The following MEIS1 variants were observed in gnomAD, a reference collection of about 807,000 sequenced individuals.
MEIS1 encodes the protein Meis homeobox 1.
MEIS1 carries 5 observed loss-of-function variants against 50.8 expected under a neutral mutation model. The observed-to-expected ratio is 0.10, with a 90% CI of 0.05 to 0.21. MEIS1 has a LOEUF of 0.21. MEIS1 is among the 10% of genes least tolerant of loss of function. The pLI is 1.00. For missense variants in MEIS1, 318 were observed against 517.3 expected, an observed-to-expected ratio of 0.61 and a Z score of 3.74; for synonymous variants, 176 against 179.3, an observed-to-expected ratio of 0.98 and a Z score of 0.15.
chr2:66,463,976 G>GT (rs766130265), intron 6 of MEIS1, 133 bp from the exon 7 acceptor site: 2 of 652,582 alleles, frequency 3.1e-6, no homozygotes, highest in Non-Finnish European at 5.5e-6. Flanking sequence ...TGGAACCATG[G>GT]TTGAAGGGGG....
At chr2:66,473,397 A>ATATATATATATATATATAT (rs1553373465) in intron 7 of MEIS1, among the ~76,000 whole-genome samples, 8 of 107,588 alleles carry the variant, frequency 7.4e-5, no homozygotes, top group African/African-American at 4.1e-4. Flanking sequence ...AAAAAAAAAA[A>ATATATATATATATATATAT]ATATATATAT....
At chr2:66,556,996 A>G (rs1675083823) in intron 9 of MEIS1, among the ~76,000 whole-genome samples, 1 of 152,178 alleles carries the variant, frequency 6.6e-6, no homozygotes, top group Non-Finnish European at 1.5e-5. Flanking sequence ...ATAGTATTTA[A>G]AAAGCATATC....
At chr2:66,517,312 T>G (rs1428150740) in intron 8 of MEIS1, among the ~76,000 whole-genome samples, 1 of 152,194 alleles carries the variant, frequency 6.6e-6, no homozygotes. Flanking sequence ...GGAAGTGGCT[T>G]GTGGAGATAG....
chr2:66,521,851 C>T (rs188197155), intron 8 of MEIS1, among the ~76,000 whole-genome samples: 15 of 152,148 alleles, frequency 9.9e-5, no homozygotes, highest in Admixed American at 2.0e-4. Flanking sequence ...TACCTGACCC[C>T]GCTGGCTCCT....
At chr2:66,463,025 T>TC (rs939660290) in intron 6 of MEIS1, among the ~76,000 whole-genome samples, 1 of 152,068 alleles carries the variant, frequency 6.6e-6, no homozygotes, top group African/African-American at 2.4e-5. Flanking sequence ...CATTTTGATC[T>TC]CCTCAGCCCT....
At chr2:66,547,914 G>A (rs750343725) in intron 8 of MEIS1, 29 bp from the exon 9 acceptor site, 1 of 1,609,976 alleles carries the variant, frequency 6.2e-7, no homozygotes, top group Non-Finnish European at 8.5e-7. Flanking sequence ...ATTGCCTGAT[G>A]CACACGTATC....
chr2:66,491,136 A>G (rs1174935027), intron 7 of MEIS1, among the ~76,000 whole-genome samples: 1 of 152,194 alleles, frequency 6.6e-6, no homozygotes, highest in Non-Finnish European at 1.5e-5. Flanking sequence ...ACAAACCTTC[A>G]GGGCTCAAAG....
At chr2:66,447,044 C>G (rs946451889) in intron 6 of MEIS1, among the ~76,000 whole-genome samples, 1 of 152,246 alleles carries the variant, frequency 6.6e-6, no homozygotes, top group African/African-American at 2.4e-5. Context: ...TTTAAGCTTT[C>G]TCTTTAAGGG....
Position 66,569,129 on chromosome 2 carries a change from C to G in MEIS1, c.*21C>G, listed in dbSNP as rs757132947. ...TGTAACCTTCATCTAGTTAACCAAT[C>G]GCAAAGCAAGGGGGAAGTAAGTACA... On this transcript the variant is annotated 3_prime_UTR_variant, in exon 12 of 13. Transcript: ENST00000272369. 4 of 1,611,550 alleles carry G rather than the reference C, an allele frequency of 2.5e-6. No individual in the cohort carries two copies. Among genetic ancestry groups the G allele is most frequent in the Non-Finnish European group, 3.4e-6 (4 of 1,179,172 alleles).
chr2:66,520,532 A>G (rs1050532049), intron 8 of MEIS1, among the ~76,000 whole-genome samples: 1 of 152,114 alleles, frequency 6.6e-6, no homozygotes, highest in Non-Finnish European at 1.5e-5. Context: ...AGAACTTCAC[A>G]AAATGAATTC....
intron 7 of MEIS1, among the ~76,000 whole-genome samples, chr2:66,465,925 T>A (rs537195505): frequency 1.3e-5 from 2 of 152,346 alleles, no homozygotes; most frequent in East Asian, 3.9e-4. Flanking sequence ...GCCTATTTAA[T>A]AATTTGATTG....
intron 1 of MEIS1, among the ~76,000 whole-genome samples, 180 bp downstream of exon 1, chr2:66,436,048 G>A (rs1350405606): frequency 6.6e-6 from 1 of 151,982 alleles, no homozygotes; most frequent in Non-Finnish European, 1.5e-5. Flanking sequence ...ATGTTACTTG[G>A]AGTTGTTAAT....
chr2:66,547,674 TTC>T (rs1389647716), intron 8 of MEIS1, among the ~76,000 whole-genome samples: 1 of 152,172 alleles, frequency 6.6e-6, no homozygotes, highest in Non-Finnish European at 1.5e-5. Context: ...ATACTAAACT[TTC>T]TGTGTTTGCA....
Position 66,571,815 on chromosome 2 carries a change from T to G in MEIS1, c.*607T>G, listed in dbSNP as rs1490562148. ...TAGATTTTTTAAAAAAAATGTGAAA[T>G]TTTTCCACACTATGTGTGTTGTTTC... On this transcript the variant is annotated 3_prime_UTR_variant, in exon 13 of 13. Coordinates refer to ENST00000272369, the MANE Select transcript of MEIS1 (RefSeq NM_002398.3). 2 of 362,236 alleles carry G rather than the reference T, an allele frequency of 5.5e-6. No homozygotes were observed. Among genetic ancestry groups the G allele is most frequent in the African/African-American group, 4.3e-5 (2 of 46,038 alleles). The allele number at this position is 362,236 out of a possible 1,614,324, so 22.4% of individuals were successfully genotyped here. A position where few individuals can be genotyped will look rare whatever the true frequency, so the allele number is the denominator to read the frequency against.
intron 6 of MEIS1, among the ~76,000 whole-genome samples, chr2:66,451,934 A>G (rs1672285079): frequency 6.6e-6 from 1 of 151,986 alleles, no homozygotes; most frequent in East Asian, 1.9e-4. Flanking sequence ...TGAAGGAAAA[A>G]AAAAGCTCTG....
At chr2:66,512,402 A>G (rs1572867378) in intron 8 of MEIS1, 108 bp downstream of exon 8, 2 of 1,268,812 alleles carry the variant, frequency 1.6e-6, no homozygotes, top group African/African-American at 3.1e-5. Flanking sequence ...ATATTTAATA[A>G]ATAACTGTGT....
chr2:66,457,137 A>C (rs1440369781), intron 6 of MEIS1, among the ~76,000 whole-genome samples: 1 of 150,676 alleles, frequency 6.6e-6, no homozygotes, highest in Non-Finnish European at 1.5e-5. Context: ...TGGTTAAATG[A>C]ATTTTGCTTA....
At chr2:66,449,843 A>C (rs554246896) in intron 6 of MEIS1, among the ~76,000 whole-genome samples, 1 of 152,298 alleles carries the variant, frequency 6.6e-6, no homozygotes, top group Admixed American at 6.5e-5. Flanking sequence ...ATATTTTCCA[A>C]TTATTTTATA....
At chr2:66,502,593 A>G (rs1346979644) in intron 7 of MEIS1, among the ~76,000 whole-genome samples, 1 of 152,164 alleles carries the variant, frequency 6.6e-6, no homozygotes, top group Non-Finnish European at 1.5e-5. Flanking sequence ...GAAACGATGG[A>G]CATTTTGATT....
Sources: gnomAD v4.1 joint callset for allele counts (sites outside exome capture counted in the v4.1 genomes callset) on GRCh38, gnomAD v4.1.1 for gene constraint, MANE v1.5 for transcripts, NCBI Gene and HGNC (gene_info 2026-07-23, HGNC 2026-07-21) for gene names.